The following EGF variants were observed in gnomAD, a reference collection of about 807,000 sequenced individuals.
EGF encodes pro-epidermal growth factor.
A neutral mutation model predicts 143.8 loss-of-function variants in EGF; 95 were observed. The ratio of observed to expected loss-of-function variants is 0.66; its 90% CI spans 0.56 to 0.78. The LOEUF is 0.78. EGF is among the 30% of genes least tolerant of loss of function. The pLI, the probability that EGF is intolerant of heterozygous loss-of-function variation, is 0.00. For missense variants in EGF, 1,320 were observed against 1,470.9 expected, an observed-to-expected ratio of 0.90 and a Z score of 1.68; for synonymous variants, 510 against 510.5, an observed-to-expected ratio of 1.00 and a Z score of 0.01.
At chr4:109,946,987 C>G (rs111460249) in intron 5 of EGF, among the ~76,000 whole-genome samples, 1 of 151,976 alleles carries the variant, frequency 6.6e-6, no homozygotes, top group African/African-American at 2.4e-5. Context: ...GGCATGGTGG[C>G]GCATGTCTGT....
At chr4:109,974,677 A>G (rs764015529) in intron 11 of EGF, 26 bp from the exon 12 acceptor site, 12 of 1,553,038 alleles carry the variant, frequency 7.7e-6, no homozygotes, top group East Asian at 2.2e-5. Flanking sequence ...GTTATAACAA[A>G]CTCCCTTATT....
In EGF at chr4:110,011,143, G is replaced by A. The variant is rs1031646351; in HGVS notation, c.3371-59G>A. The A allele has an allele frequency of 4.4e-6, 7 of 1,596,358 alleles. No individual in the cohort carries two copies. The Admixed American group carries it at 5.0e-5, about 11-fold the overall frequency. Reference sequence around the variant, plus strand: ...CTTCAACCACTACCGTTTAGGGTCTGTCTTGCCTATCTATTGTTAATGATA... The same window carrying A: ...CTTCAACCACTACCGTTTAGGGTCTATCTTGCCTATCTATTGTTAATGATA... On this transcript the variant is annotated intron_variant, in intron 23 of 23. Transcript: ENST00000265171.
intron 15 of EGF, 54 bp downstream of exon 15, chr4:109,981,029 T>C: frequency 1.2e-6 from 2 of 1,605,558 alleles, no homozygotes; most frequent in South Asian, 2.2e-5. Context: ...GAAATACAGC[T>C]GTACATCAAT....
rs1474670633 is a variant in EGF, at chr4:109,959,385, G to C, written c.1014G>C (p.Leu338Phe). The C allele has an allele frequency of 3.7e-6, 6 of 1,613,260 alleles. No individual in the cohort carries two copies. The highest frequency in any genetic ancestry group is 5.1e-6 in the Non-Finnish European group (6 of 1,179,930). Reference protein sequence around the residue: ...TVCGQDLQSHLCMCAEGYALS... With the variant: ...TVCGQDLQSHFCMCAEGYALS... ...GTGGGCAAGACCTCCAGTCACACTT[G>C]TGCATGTGTGCAGAGGGATACGCCC... is the stretch of plus-strand genomic sequence containing the variant. Residue 338 changes from leucine (L) to phenylalanine (F), a missense_variant, in exon 6 of 24, where the codon TTG becomes TTC. This residue lies in a region of EGF where 1,186 missense variants were observed against 1,313.7 expected (regional missense o/e 0.90). Coordinates refer to ENST00000265171, the MANE Select transcript of EGF (RefSeq NM_001963.6).
At chr4:109,969,147 G>A in intron 11 of EGF, 28 bp downstream of exon 11, 5 of 1,613,972 alleles carry the variant, frequency 3.1e-6, no homozygotes, top group Non-Finnish European at 4.2e-6. Flanking sequence ...GTTTTAAGCT[G>A]TGTGAGATGG....
intron 1 of EGF, among the ~76,000 whole-genome samples, chr4:109,931,216 C>T (rs1318582458): frequency 6.6e-6 from 1 of 152,188 alleles, no homozygotes; most frequent in Non-Finnish European, 1.5e-5. Flanking sequence ...TACATGTAGT[C>T]CTCCATAATT....
chr4:109,955,459 C>T (rs190428002), intron 5 of EGF, among the ~76,000 whole-genome samples: 1 of 152,140 alleles, frequency 6.6e-6, no homozygotes, highest in Admixed American at 6.5e-5. Context: ...TTGCCACCAC[C>T]TAAAATGACC....
At chr4:109,923,859 G>A (rs928187106) in intron 1 of EGF, among the ~76,000 whole-genome samples, 1 of 151,462 alleles carries the variant, frequency 6.6e-6, no homozygotes, top group East Asian at 1.9e-4. Context: ...GGGCCCAAGA[G>A]AGCCACCCAC....
At chr4:110,008,971 C>T (rs1004122099) in intron 23 of EGF, among the ~76,000 whole-genome samples, 1 of 152,200 alleles carries the variant, frequency 6.6e-6, no homozygotes, top group Non-Finnish European at 1.5e-5. Flanking sequence ...ACAAAAACAG[C>T]TCCTCTGCTA....
intron 1 of EGF, among the ~76,000 whole-genome samples, chr4:109,914,136 C>T (rs1736183236): frequency 6.6e-6 from 1 of 152,174 alleles, no homozygotes; most frequent in African/African-American, 2.4e-5. Flanking sequence ...GAAATGGGAG[C>T]TTGACTGAAT....
chr4:109,938,610 AT>A (rs1741315266), intron 1 of EGF, among the ~76,000 whole-genome samples: 1 of 151,864 alleles, frequency 6.6e-6, no homozygotes, highest in Admixed American at 6.6e-5. Context: ...GGTTTTTGGA[AT>A]TTTCAGCCTT....
chr4:109,997,172 T>A (rs1230779555), intron 20 of EGF, among the ~76,000 whole-genome samples: 2 of 152,138 alleles, frequency 1.3e-5, no homozygotes, highest in African/African-American at 4.8e-5. Flanking sequence ...CTTCTTGCGC[T>A]GAGTCAGTTC....
intron 1 of EGF, among the ~76,000 whole-genome samples, chr4:109,918,894 C>G (rs919103867): frequency 6.6e-5 from 10 of 152,126 alleles, no homozygotes; most frequent in African/African-American, 2.4e-4. Flanking sequence ...ATCTCTTTTT[C>G]TTGGGCCTTA....
chr4:109,913,138 G>C lies in EGF; in HGVS notation c.-198G>C. The C allele has an allele frequency of 1.7e-6, 1 of 580,080 alleles. No homozygotes were observed. Among genetic ancestry groups the C allele is most frequent in the Non-Finnish European group, 3.0e-6 (1 of 330,214 alleles). 35.9% of individuals were successfully genotyped at this position (580,080 alleles called of 1,614,324 possible). Reference sequence around the variant, plus strand: ...AGAAATCTTTCCTGTGGCTTCCCTTGGCAGGCTGCATTCAGAAGGTCTCTC... The same window carrying C: ...AGAAATCTTTCCTGTGGCTTCCCTTCGCAGGCTGCATTCAGAAGGTCTCTC... On this transcript the variant is annotated 5_prime_UTR_variant, in exon 1 of 24. Coordinates refer to ENST00000265171, the MANE Select transcript of EGF (RefSeq NM_001963.6).
At chr4:109,951,422 A>C (rs1743909801) in intron 5 of EGF, among the ~76,000 whole-genome samples, 1 of 152,098 alleles carries the variant, frequency 6.6e-6, no homozygotes, top group Non-Finnish European at 1.5e-5. Context: ...CTCCTAAATA[A>C]TATAATAAGG....
chr4:109,979,287 G>GT (rs1748962117), intron 13 of EGF, among the ~76,000 whole-genome samples: 1 of 152,044 alleles, frequency 6.6e-6, no homozygotes, highest in Non-Finnish European at 1.5e-5. Context: ...ATGGGAGAGA[G>GT]GTTATAGTAG....
chr4:110,004,772 G>T, intron 22 of EGF, 150 bp downstream of exon 22: 1 of 429,128 alleles, frequency 2.3e-6, no homozygotes, highest in Non-Finnish European at 4.1e-6. Flanking sequence ...CAGCTAGGGA[G>T]GTCCTGGGTG....
intron 16 of EGF, among the ~76,000 whole-genome samples, chr4:109,986,724 A>G (rs1050393039): frequency 6.6e-6 from 1 of 151,444 alleles, no homozygotes; most frequent in African/African-American, 2.4e-5. Flanking sequence ...GCATTTGGAG[A>G]ATGATTACAT....
intron 1 of EGF, among the ~76,000 whole-genome samples, chr4:109,913,704 C>A (rs1736102137): frequency 6.6e-6 from 1 of 152,206 alleles, no homozygotes; most frequent in Non-Finnish European, 1.5e-5. Flanking sequence ...GAATATGCCT[C>A]ATTTTAAACT....
Sources: allele counts gnomAD v4.1 joint callset (sites outside exome capture counted in the v4.1 genomes callset), GRCh38; gene constraint gnomAD v4.1.1; regional missense constraint gnomAD v4.1.1; transcripts MANE v1.5; gene names NCBI Gene and HGNC (gene_info 2026-07-23, HGNC 2026-07-21).